The following FAM228B variants were observed in gnomAD, a reference collection of about 807,000 sequenced individuals.
FAM228B encodes the protein family with sequence similarity 228 member B.
A neutral mutation model predicts 42.6 loss-of-function variants in FAM228B; 38 were observed. That is an observed-to-expected ratio of 0.89 (90% CI 0.69 to 1.17). FAM228B has a LOEUF of 1.17. Ranked by LOEUF, FAM228B falls within the 50% of genes most tolerant of loss-of-function variation. The pLI, the probability that FAM228B is intolerant of heterozygous loss-of-function variation, is 0.00. For missense variants in FAM228B, 344 were observed against 367.3 expected, an observed-to-expected ratio of 0.94 and a Z score of 0.52; for synonymous variants, 109 against 122.3, an observed-to-expected ratio of 0.89 and a Z score of 0.72.
At chr2:24,124,515 A>T (rs1289352139) in intron 2 of FAM228B, 55 bp downstream of exon 2, 1 of 1,098,092 alleles carries the variant, frequency 9.1e-7, no homozygotes, top group East Asian at 2.6e-5. Flanking sequence ...TCGTTGCAGT[A>T]GGAAGTGGCT....
At chr2:24,083,510 C>G (rs373306114) in intron 2 of FAM228B, among the ~76,000 whole-genome samples, 1 of 152,146 alleles carries the variant, frequency 6.6e-6, no homozygotes, top group African/African-American at 2.4e-5. Flanking sequence ...CTCACTCACC[C>G]CAGTCCTCAG....
chr2:24,090,543 C>CA (rs1159924799), intron 2 of FAM228B, among the ~76,000 whole-genome samples: 1 of 117,902 alleles, frequency 8.5e-6, no homozygotes, highest in Non-Finnish European at 1.6e-5. Context: ...GCCTTGGTGA[C>CA]AGAGAGAGCC....
chr2:24,097,568 G>A (rs536126220), intron 3 of FAM228B: 15 of 151,428 alleles, frequency 9.9e-5, no homozygotes, highest in East Asian at 9.7e-4. Flanking sequence ...GGATCAATTC[G>A]CCAAGAAGAG....
chr2:24,077,654 G>T lies in FAM228B; in HGVS notation c.-290+685G>T. On this transcript the variant is annotated intron_variant, in intron 1 of 10. Transcript: ENST00000613899. The surrounding 1 kb of genome is among the most constrained non-coding windows in gnomAD (Gnocchi z 5.5). Reference sequence around the variant, plus strand: ...TGTACTTATGGGCCTCCTGGATTTCGGTCACTGGGTAGATTCTGTCCAGAA... The same window carrying T: ...TGTACTTATGGGCCTCCTGGATTTCTGTCACTGGGTAGATTCTGTCCAGAA... The T allele has an allele frequency of 6.2e-7, 1 of 1,614,068 alleles. No individual in the cohort carries two copies. Among genetic ancestry groups the T allele is most frequent in the Non-Finnish European group, 8.5e-7 (1 of 1,179,994 alleles).
chr2:24,144,959 G>C (rs576584841), intron 5 of FAM228B, among the ~76,000 whole-genome samples: 1 of 152,174 alleles, frequency 6.6e-6, no homozygotes, highest in African/African-American at 2.4e-5. Flanking sequence ...CCTCCTGCAC[G>C]CGCCAACTGG....
intron 3 of FAM228B, 29 bp from the exon 4 acceptor site, chr2:24,137,880 T>C (rs752104314): frequency 4.1e-6 from 6 of 1,453,528 alleles, no homozygotes; most frequent in Non-Finnish European, 5.5e-6. Flanking sequence ...TAGGATAATA[T>C]ATTTGTCTTT....
Position 24,139,438 on chromosome 2 carries a change from C to A in FAM228B, c.429C>A (p.Pro143=). The stretch of plus-strand genomic sequence containing the variant: ...CCTTTTATATGAGCAAGAAGGACCC[C>A]AATTTTCTGAAGGTAGGGTAGATTT... ...YDPFYMSKKD[P]NFLKVTIPPF... is the part of the protein sequence containing the mutation. Residue 143 remains proline, a synonymous_variant, in exon 5 of 11, where the codon CCC becomes CCA. Coordinates refer to ENST00000615575, the MANE Select transcript of FAM228B (RefSeq NM_001145710.2). 6.5e-7 allele frequency: 1 copy of A among 1,543,906 alleles called. No individual in the cohort carries two copies. The highest frequency in any genetic ancestry group is 2.5e-5 in the East Asian group (1 of 40,708).
At position 24,146,817 on chromosome 2, in the gene FAM228B, C is replaced by A. The variant is rs1573774943; in HGVS notation, c.511C>A (p.Leu171Ile). 3.2e-6 allele frequency: 5 copies of A among 1,548,702 alleles called. No homozygotes were observed. Among genetic ancestry groups the A allele is most frequent in the Non-Finnish European group, 3.5e-6 (4 of 1,144,534 alleles). ...TGACAAGGATAACGAAAAAAGAACT[C>A]TTCTTCAGTGTGAGACTGGTACTTA... is the stretch of plus-strand genomic sequence containing the variant. ...QYDKDNEKRT[L>I]LQCETGKIYS... is the part of the protein sequence containing the mutation. The change falls in exon 6 of 11, where the codon CTT (leucine) becomes ATT (isoleucine). Residue 171 changes from leucine to isoleucine, a missense_variant. Coordinates refer to ENST00000615575, the MANE Select transcript of FAM228B (RefSeq NM_001145710.2).
At chr2:24,158,037 C>T (rs1311813529) in intron 7 of FAM228B, among the ~76,000 whole-genome samples, 2 of 151,942 alleles carry the variant, frequency 1.3e-5, no homozygotes, top group Non-Finnish European at 2.9e-5. Flanking sequence ...TTAGTGATTC[C>T]TGTGTCCCTC....
intron 4 of FAM228B, 55 bp from the exon 5 acceptor site, chr2:24,139,315 C>T: frequency 9.1e-7 from 1 of 1,099,376 alleles, no homozygotes; most frequent in Non-Finnish European, 1.3e-6. Flanking sequence ...CTGATATGCT[C>T]AAAATTAACT....
rs1255017381 is a variant in FAM228B, at chr2:24,161,599, A to G, written c.780A>G (p.Lys260=). 6.5e-7 allele frequency: 1 copy of G among 1,536,038 alleles called. No individual in the cohort carries two copies. The part of the protein sequence containing the change: ...PYLLESQEEE[K]TVIYKNKGSS... Reference sequence around the variant, plus strand: ...TTTTGGAATCCCAGGAAGAAGAAAAAACAGTTATTTACAAGTAAGTCTGTT... The same window carrying G: ...TTTTGGAATCCCAGGAAGAAGAAAAGACAGTTATTTACAAGTAAGTCTGTT... The change falls in exon 8 of 11, where the codon AAA becomes AAG. Residue 260 remains lysine, a synonymous_variant. Transcript: ENST00000615575.
intron 1 of FAM228B, among the ~76,000 whole-genome samples, chr2:24,078,498 A>G (rs892700296): frequency 2.6e-5 from 4 of 151,858 alleles, no homozygotes; most frequent in Non-Finnish European, 5.9e-5. Flanking sequence ...AAAAAAAAAA[A>G]AAAAAGTACA....
intron 2 of FAM228B, among the ~76,000 whole-genome samples, chr2:24,091,825 A>C (rs1382467093): frequency 6.6e-6 from 1 of 152,228 alleles, no homozygotes; most frequent in Admixed American, 6.5e-5. Context: ...TTAGTATACA[A>C]ATTCATTATA....
At chr2:24,134,299 A>C (rs1206184989) in intron 2 of FAM228B, among the ~76,000 whole-genome samples, 1 of 152,168 alleles carries the variant, frequency 6.6e-6, no homozygotes, top group Non-Finnish European at 1.5e-5. Flanking sequence ...ATTGAATAGA[A>C]AGTCTTTCTA....
At chr2:24,089,026 T>C (rs1016106279) in intron 2 of FAM228B, among the ~76,000 whole-genome samples, 3 of 152,230 alleles carry the variant, frequency 2.0e-5, no homozygotes, top group Non-Finnish European at 4.4e-5. Context: ...AAATAGATTA[T>C]ATTTAGTAGA....
At chr2:24,141,698 G>A (rs1666752330) in intron 5 of FAM228B, among the ~76,000 whole-genome samples, 1 of 152,156 alleles carries the variant, frequency 6.6e-6, no homozygotes, top group South Asian at 2.1e-4. Flanking sequence ...TTTTTAAAAT[G>A]GTATTTAGGG....
intron 8 of FAM228B, among the ~76,000 whole-genome samples, chr2:24,163,387 T>C (rs1667327522): frequency 1.3e-5 from 2 of 152,194 alleles, no homozygotes; most frequent in Admixed American, 6.5e-5. Context: ...CAACATGGGC[T>C]CATTGTCCTT....
chr2:24,142,530 T>C (rs1666777840), intron 5 of FAM228B: 1 of 152,256 alleles, frequency 6.6e-6, no homozygotes. Context: ...CGAACAGCAC[T>C]TCTGCTGCAT....
At chr2:24,081,001 ATTAG>A in intron 2 of FAM228B, 1 of 1,614,150 alleles carries the variant, frequency 6.2e-7, no homozygotes, top group Admixed American at 1.7e-5. Flanking sequence ...TCCTGCATGG[ATTAG>A]CACATAGTCT....
Sources: gnomAD v4.1 joint callset for allele counts (sites outside exome capture counted in the v4.1 genomes callset) on GRCh38, gnomAD v4.1.1 for gene constraint, Gnocchi (gnomAD v3.1) non-coding constraint, MANE v1.5 for transcripts, NCBI Gene and HGNC (gene_info 2026-07-23, HGNC 2026-07-21) for gene names.